Variants in COL11A1 observed in about 807,000 individuals in gnomAD.
COL11A1 encodes collagen type XI alpha 1 chain.
Under a neutral mutation model 265.2 loss-of-function variants are expected in COL11A1, and 74 were observed. The observed-to-expected ratio is 0.28, with a 90% CI of 0.23 to 0.34. The LOEUF is 0.34. Ranked by LOEUF, COL11A1 falls within the 10% of genes least tolerant of loss-of-function variation. COL11A1 has a pLI of 1.00. For synonymous variants in COL11A1, 816 were observed against 727.6 expected (o/e 1.12, Z -1.96); for missense variants, 2,165 against 2,263.6 (o/e 0.96, Z 0.88).
chr1:103,027,399 ATATATATATATATATATATATAT>A (rs1557966348), intron 5 of COL11A1, among the ~76,000 whole-genome samples: 80 of 18,008 alleles, frequency 4.4e-3, no homozygotes, highest in African/African-American at 8.0e-3. Context: ...AAACTCTAAT[ATATATATATATATATATATATAT>A]ATATATATAT....
Position 103,022,987 on chromosome 1 carries a change from C to G in COL11A1, c.1000G>C (p.Val334Leu). 1 of 1,612,290 alleles carries G rather than the reference C, an allele frequency of 6.2e-7. No individual in the cohort carries two copies. The highest frequency in any genetic ancestry group is 8.5e-7 in the Non-Finnish European group (1 of 1,179,234). Residue 334 changes from valine to leucine, a missense_variant, in exon 8 of 67, where the codon GTT (valine) becomes CTT (leucine). Transcript: ENST00000370096. ...HVSGTNEPNP[V>L]EEIFTEEYLT... ...TATTCTTCAGTAAATATTTCTTCAA[C>G]TGGATTTGGCTATTAATTTAAATTG...
At chr1:103,066,640 A>G (rs1037610228) in intron 4 of COL11A1, among the ~76,000 whole-genome samples, 1 of 151,750 alleles carries the variant, frequency 6.6e-6, no homozygotes, top group Non-Finnish European at 1.5e-5. Flanking sequence ...AAATAATAAG[A>G]TGCAGACTTA....
intron 4 of COL11A1, among the ~76,000 whole-genome samples, chr1:103,045,906 G>A (rs1669220553): frequency 6.6e-6 from 1 of 151,776 alleles, no homozygotes; most frequent in Non-Finnish European, 1.5e-5. Context: ...TGAGAACGAT[G>A]GTTTCCAGCT....
At chr1:103,106,298 G>A (rs1043906599) in intron 1 of COL11A1, among the ~76,000 whole-genome samples, 9 of 152,048 alleles carry the variant, frequency 5.9e-5, no homozygotes, top group African/African-American at 1.9e-4. Flanking sequence ...ATCCATCACC[G>A]AAGAAATTCT....
intron 37 of COL11A1, among the ~76,000 whole-genome samples, chr1:102,966,708 C>CATACACAG (rs58144897): frequency 0.94 from 142,929 of 151,928 alleles, 67,376 homozygotes; most frequent in East Asian, 1. Flanking sequence ...TACATACACA[C>CATACACAG]ATACCTAAAC....
chr1:103,020,297 G>T (rs1178541122), intron 9 of COL11A1, among the ~76,000 whole-genome samples: 4 of 134,432 alleles, frequency 3.0e-5, no homozygotes, highest in Non-Finnish European at 6.4e-5. Flanking sequence ...GGTGTGAGAT[G>T]GTATCTCATT....
At chr1:102,897,846 G>C (rs1213945921) in intron 57 of COL11A1, among the ~76,000 whole-genome samples, 1 of 152,108 alleles carries the variant, frequency 6.6e-6, no homozygotes, top group Admixed American at 6.6e-5. Flanking sequence ...TCCAGACTAG[G>C]AAAAACACTG....
chr1:103,014,141 C>T (rs1327516461), intron 13 of COL11A1, among the ~76,000 whole-genome samples: 1 of 151,848 alleles, frequency 6.6e-6, no homozygotes, highest in Non-Finnish European at 1.5e-5. Flanking sequence ...ATTTTATTCT[C>T]TTAATTATAA....
chr1:102,976,255 T>C (rs994322855), intron 35 of COL11A1, among the ~76,000 whole-genome samples: 24 of 149,504 alleles, frequency 1.6e-4, no homozygotes, highest in African/African-American at 5.4e-4. Flanking sequence ...AAATGAAAAA[T>C]TGAGTCTTTA....
At chr1:102,937,516 G>T (rs1478166529) in intron 44 of COL11A1, among the ~76,000 whole-genome samples, 1 of 152,122 alleles carries the variant, frequency 6.6e-6, no homozygotes, top group Non-Finnish European at 1.5e-5. Context: ...AGGTGTTTTG[G>T]TTCTTAAGGT....
chr1:103,029,709 A>T (rs1667827144), intron 5 of COL11A1, among the ~76,000 whole-genome samples: 1 of 152,058 alleles, frequency 6.6e-6, no homozygotes, highest in Non-Finnish European at 1.5e-5. Flanking sequence ...ACCAAGTTTG[A>T]CATCTCAACA....
intron 41 of COL11A1, among the ~76,000 whole-genome samples, chr1:102,958,023 C>T (rs1343159120): frequency 6.6e-6 from 1 of 152,084 alleles, no homozygotes; most frequent in Non-Finnish European, 1.5e-5. Context: ...TTCCTTAATA[C>T]AAATAACCAC....
chr1:103,035,434 GT>G (rs1668290146), intron 4 of COL11A1, among the ~76,000 whole-genome samples: 1 of 151,976 alleles, frequency 6.6e-6, no homozygotes, highest in African/African-American at 2.4e-5. Context: ...AATAAAAATT[GT>G]GCTGACATAA....
intron 49 of COL11A1, among the ~76,000 whole-genome samples, chr1:102,919,738 A>G (rs1019797435): frequency 9.9e-5 from 15 of 152,094 alleles, no homozygotes; most frequent in Non-Finnish European, 1.6e-4. Flanking sequence ...TTCACAAGAA[A>G]AAAAAAGCTA....
intron 51 of COL11A1, 85 bp downstream of exon 51, chr1:102,914,619 G>T: frequency 1.8e-6 from 2 of 1,083,154 alleles, no homozygotes; most frequent in Non-Finnish European, 2.8e-6. Flanking sequence ...ATGTTCCAGA[G>T]TCTCAGGATT....
chr1:102,909,538 T>A (rs1365786233), intron 54 of COL11A1, among the ~76,000 whole-genome samples: 1 of 152,118 alleles, frequency 6.6e-6, no homozygotes, highest in East Asian at 1.9e-4. Context: ...ACTACTATAT[T>A]TTATTATAAC....
chr1:103,050,930 A>G (rs974754494), intron 4 of COL11A1, among the ~76,000 whole-genome samples: 5 of 152,200 alleles, frequency 3.3e-5, no homozygotes, highest in African/African-American at 1.2e-4. Context: ...TTGGTGAACC[A>G]CAAATGCTGC....
chr1:103,063,814 T>G (rs937605328), intron 4 of COL11A1, among the ~76,000 whole-genome samples: 3 of 152,152 alleles, frequency 2.0e-5, no homozygotes, highest in African/African-American at 7.2e-5. Context: ...ACATACCTGA[T>G]AAAGGACTGT....
At position 103,071,467 on chromosome 1, in the gene COL11A1, C is replaced by CTTT. The variant is rs869263393; in HGVS notation, c.651+3148_651+3150dup. Among the ~76,000 whole-genome samples, 52 of 49,894 alleles carry CTTT rather than the reference C, an allele frequency of 1.0e-3. 6 individuals carry two copies. The highest frequency in any genetic ancestry group is 3.1e-3 in the East Asian group (5 of 1,614). 32.7% of individuals were successfully genotyped at this position (49,894 alleles called of 152,430 possible). ...AGGCTGTTGATTTGTGTTGGTAGGACTTTTTTTTTTTTTTTTTTTTTTTTT... is the reference window on the plus strand; with the variant it reads ...AGGCTGTTGATTTGTGTTGGTAGGACTTTTTTTTTTTTTTTTTTTTTTTTTTTT... On this transcript the variant is annotated intron_variant, in intron 4 of 66. Coordinates refer to ENST00000370096, the MANE Select transcript of COL11A1 (RefSeq NM_001854.4).
Sources: allele counts gnomAD v4.1 joint callset (sites outside exome capture counted in the v4.1 genomes callset), GRCh38; gene constraint gnomAD v4.1.1; transcripts MANE v1.5; gene names NCBI Gene and HGNC (gene_info 2026-07-23, HGNC 2026-07-21).